Variants in SPPL3 observed in about 807,000 individuals in gnomAD.
SPPL3 encodes signal peptide peptidase like 3, also known as signal peptide peptidase-like 3.
A neutral mutation model predicts 42.4 loss-of-function variants in SPPL3; 5 were observed. The observed-to-expected ratio is 0.12, with a 90% CI of 0.06 to 0.25. SPPL3 has a LOEUF of 0.25. Ranked by LOEUF, SPPL3 falls within the 10% of genes least tolerant of loss-of-function variation. The pLI is 1.00. For synonymous variants in SPPL3, 195 were observed against 181.8 expected, an observed-to-expected ratio of 1.07 and a Z score of -0.58; for missense variants, 235 against 489.0, an observed-to-expected ratio of 0.48 and a Z score of 4.90.
intron 1 of SPPL3, among the ~76,000 whole-genome samples, chr12:120,833,483 G>A (rs1190511678): frequency 6.6e-6 from 1 of 152,070 alleles, no homozygotes; most frequent in Non-Finnish European, 1.5e-5. Flanking sequence ...TGAGGAGCAA[G>A]AGACATGTAG....
intron 1 of SPPL3, among the ~76,000 whole-genome samples, chr12:120,819,501 C>T (rs987621702): frequency 6.6e-6 from 1 of 152,126 alleles, no homozygotes; most frequent in African/African-American, 2.4e-5. Context: ...GATAAAAACA[C>T]TTTTTTTCCC....
chr12:120,889,947 GA>G (rs559170628), intron 1 of SPPL3, among the ~76,000 whole-genome samples: 76 of 150,286 alleles, frequency 5.1e-4, no homozygotes, highest in Non-Finnish European at 8.4e-4. Context: ...ACCTTACTTT[GA>G]AAAAAAAAAT....
intron 1 of SPPL3, among the ~76,000 whole-genome samples, chr12:120,864,496 T>C (rs968331126): frequency 6.6e-5 from 10 of 151,956 alleles, no homozygotes; most frequent in African/African-American, 1.7e-4. Context: ...GATCATGCCA[T>C]TGCACTCCAG....
intron 8 of SPPL3, 117 bp downstream of exon 8, chr12:120,768,208 A>G (rs1868980198): frequency 3.1e-6 from 4 of 1,274,442 alleles, no homozygotes; most frequent in Non-Finnish European, 2.1e-6. Context: ...CTTCTGCAGC[A>G]TGGAGATAAT....
rs3213570 is a variant in SPPL3, at chr12:120,784,608, C to G, written c.191-15G>C. 740,963 of 1,589,108 alleles carry G rather than the reference C, an allele frequency of 0.47. 179,183 individuals are homozygous for G. Among genetic ancestry groups the G allele is most frequent in the Admixed American group, 0.61 (33,513 of 54,530 alleles). On this transcript the variant is annotated splice_polypyrimidine_tract_variant and intron_variant, in intron 3 of 10. Transcript: ENST00000353487. ...TGTTTGGATGCCTGAAAGAGAAAAACAGACAGATTAATAACTTATTATGCA... is the reference window on the plus strand; with the variant it reads ...TGTTTGGATGCCTGAAAGAGAAAAAGAGACAGATTAATAACTTATTATGCA...
intron 6 of SPPL3, among the ~76,000 whole-genome samples, chr12:120,781,730 C>T (rs1869554720): frequency 1.3e-5 from 2 of 148,370 alleles, no homozygotes; most frequent in South Asian, 4.3e-4. Context: ...CAGGTGCCTA[C>T]CACCACTCCC....
chr12:120,891,863 T>G (rs1873654793), intron 1 of SPPL3, among the ~76,000 whole-genome samples: 1 of 152,200 alleles, frequency 6.6e-6, no homozygotes, highest in Non-Finnish European at 1.5e-5. Flanking sequence ...TTACTTATAC[T>G]TTTATAAGTG....
chr12:120,889,333 T>C (rs746692704), intron 1 of SPPL3, among the ~76,000 whole-genome samples: 2 of 152,236 alleles, frequency 1.3e-5, no homozygotes, highest in Non-Finnish European at 2.9e-5. Flanking sequence ...CCAGGATCTA[T>C]TCCTTAGCCA....
intron 1 of SPPL3, among the ~76,000 whole-genome samples, chr12:120,819,612 A>C (rs1870987197): frequency 6.6e-6 from 1 of 152,212 alleles, no homozygotes; most frequent in Non-Finnish European, 1.5e-5. Context: ...ATTTTAAACA[A>C]ATCTAGTTCA....
At chr12:120,885,348 A>G (rs1873420055) in intron 1 of SPPL3, among the ~76,000 whole-genome samples, 1 of 152,232 alleles carries the variant, frequency 6.6e-6, no homozygotes, top group Non-Finnish European at 1.5e-5. Flanking sequence ...AGTATTTCAC[A>G]TGGCCTTCAA....
intron 1 of SPPL3, among the ~76,000 whole-genome samples, chr12:120,849,307 A>C (rs1872148145): frequency 6.6e-6 from 1 of 152,198 alleles, no homozygotes; most frequent in African/African-American, 2.4e-5. Flanking sequence ...CTAAATCAGT[A>C]CTCTAAAGGT....
chr12:120,845,324 G>A (rs1871985754), intron 1 of SPPL3: 2 of 349,696 alleles, frequency 5.7e-6, no homozygotes, highest in African/African-American at 2.2e-5. Flanking sequence ...TCCTCGGCCA[G>A]CATCCTCATG....
chr12:120,880,371 T>C (rs1040845861), intron 1 of SPPL3, among the ~76,000 whole-genome samples: 1 of 152,106 alleles, frequency 6.6e-6, no homozygotes, highest in African/African-American at 2.4e-5. Context: ...GCAGATTTCA[T>C]GGATGTGACA....
chr12:120,781,608 C>G (rs1204611471), intron 6 of SPPL3, among the ~76,000 whole-genome samples: 5 of 98,392 alleles, frequency 5.1e-5, no homozygotes, highest in Non-Finnish European at 7.2e-5. Context: ...GAGTCTTGCT[C>G]TGTTGCCCAG....
intron 1 of SPPL3, among the ~76,000 whole-genome samples, chr12:120,893,083 C>A (rs1053637962): frequency 2.0e-5 from 3 of 151,810 alleles, no homozygotes. Flanking sequence ...CTCTGAAATT[C>A]TCTTTACAAC....
At chr12:120,798,204 A>G (rs1870170602) in intron 2 of SPPL3, among the ~76,000 whole-genome samples, 1 of 151,676 alleles carries the variant, frequency 6.6e-6, no homozygotes, top group Non-Finnish European at 1.5e-5. Context: ...CAGGTGTCTG[A>G]TGTGTTGGCT....
intron 1 of SPPL3, among the ~76,000 whole-genome samples, chr12:120,899,973 C>T (rs1234520435): frequency 6.6e-6 from 1 of 151,344 alleles, no homozygotes; most frequent in Non-Finnish European, 1.5e-5. Context: ...GAGTTGAACC[C>T]TTGAGTACAG....
chr12:120,867,124 C>T (rs1186922983), intron 1 of SPPL3, among the ~76,000 whole-genome samples: 1 of 152,024 alleles, frequency 6.6e-6, no homozygotes, highest in Non-Finnish European at 1.5e-5. Flanking sequence ...AGGCTATTTC[C>T]TACATATAAA....
Position 120,806,393 on chromosome 12 carries a change from C to G in SPPL3, c.101+4416G>C, listed in dbSNP as rs75404818. On this transcript the variant is annotated intron_variant, in intron 2 of 10. Transcript: ENST00000353487. ...TTTTGACAACGGTGCCAAGGTAATTCAACTGGTAAGTATAGTCTTTTCATC... is the reference window on the plus strand; with the variant it reads ...TTTTGACAACGGTGCCAAGGTAATTGAACTGGTAAGTATAGTCTTTTCATC... Among the ~76,000 whole-genome samples, 139 of 151,986 alleles carry G rather than the reference C, an allele frequency of 9.1e-4. 2 individuals carry two copies. In the East Asian group the frequency reaches 0.02, roughly 22 times the overall value.
Sources: allele counts gnomAD v4.1 joint callset (sites outside exome capture counted in the v4.1 genomes callset), GRCh38; gene constraint gnomAD v4.1.1; transcripts MANE v1.5; gene names NCBI Gene and HGNC (gene_info 2026-07-23, HGNC 2026-07-21).